Variants in BORA observed in about 807,000 individuals in gnomAD.
The protein encoded by BORA is BORA aurora kinase A activator.
A neutral mutation model predicts 55.8 loss-of-function variants in BORA; 26 were observed. The ratio of observed to expected loss-of-function variants is 0.47; its 90% CI spans 0.34 to 0.65. The LOEUF (loss-of-function observed/expected upper bound fraction) is 0.65, where lower values mean the gene tolerates loss of function less well. Ranked by LOEUF, BORA falls within the 30% of genes least tolerant of loss-of-function variation. The pLI is 0.01. For synonymous variants in BORA, 201 were observed against 216.9 expected (o/e 0.93, Z 0.64); for missense variants, 568 against 671.5 (o/e 0.85, Z 1.70).
At chr13:72,744,914 G>T in intron 7 of BORA, 67 bp from the exon 8 acceptor site, 3 of 1,445,806 alleles carry the variant, frequency 2.1e-6, no homozygotes, top group South Asian at 2.4e-5. Flanking sequence ...CTTAAAAGTT[G>T]AGTAACAGAA....
rs368189157 is a variant in BORA at position 72,729,058 on chromosome 13, G to C, written c.118G>C (p.Ala40Pro). 3.0e-5 allele frequency: 47 copies of C among 1,584,626 alleles called. No homozygotes were observed. The highest frequency in any genetic ancestry group is 3.7e-5 in the Non-Finnish European group (43 of 1,170,656). Residue 40 changes from alanine (A) to proline (P), a missense_variant, in exon 2 of 12, where the codon GCC (alanine) becomes CCC (proline). By Grantham distance (27) the Ala-to-Pro change is conservative. Coordinates refer to ENST00000390667, the MANE Select transcript of BORA (RefSeq NM_024808.5). ...DYSNLHEQTL[A>P]SPSVFKSTKL... is the part of the protein sequence containing the mutation. ...TTCTAATCTCCATGAACAAACTCTC[G>C]CCAGTCCTTCTGTTTTTAAATCAAC...
At position 72,746,056 on chromosome 13, in the gene BORA, T is replaced by G; in HGVS notation, c.851T>G (p.Ile284Arg). ...ACTTTCTCACCAATTGAATTTCAGA[T>G]AGGAGAGACTCCACTCTCAGGTATG... ...SPTFSPIEFQIGETPLSEQRK... is the reference protein window; with the variant it reads ...SPTFSPIEFQRGETPLSEQRK... Residue 284 changes from isoleucine (I) to arginine (R), a missense_variant, in exon 9 of 12, where the codon ATA (isoleucine) becomes AGA (arginine). Ile to Arg is a moderately conservative substitution (Grantham distance 97). Coordinates refer to ENST00000390667, the MANE Select transcript of BORA (RefSeq NM_024808.5). 6.2e-7 allele frequency: 1 copy of G among 1,611,130 alleles called. No individual in the cohort carries two copies.
chr13:72,746,477 T>G, intron 9 of BORA, 24 bp from the exon 10 acceptor site: 1 of 1,573,870 alleles, frequency 6.4e-7, no homozygotes, highest in Non-Finnish European at 8.6e-7. Context: ...ATGATGTGAT[T>G]TTTTTTCCCT....
At chr13:72,743,722 TAATTTATTTTTG>T in intron 6 of BORA, 120 bp downstream of exon 6, 7 of 763,208 alleles carry the variant, frequency 9.2e-6, no homozygotes, top group Non-Finnish European at 1.4e-5. Context: ...TTTTTTTTTT[TAATTTATTTTTG>T]TTTTTTTGAG....
intron 7 of BORA, 21 bp downstream of exon 7, chr13:72,744,582 A>C: frequency 6.5e-7 from 1 of 1,542,958 alleles, no homozygotes; most frequent in South Asian, 1.2e-5. Flanking sequence ...TATTTGTTTA[A>C]ACTTTTAATA....
Position 72,749,731 on chromosome 13 carries a change from C to T in BORA, c.1482+2620C>T, listed in dbSNP as rs139902969. The stretch of plus-strand genomic sequence containing the variant: ...AGCTTTCCAAAGTTTTAAAAAGCCA[C>T]GTTTTCTCTTGTTACAGGGCCTTTT... On this transcript the variant is annotated intron_variant, in intron 10 of 11. Coordinates refer to ENST00000390667, the MANE Select transcript of BORA (RefSeq NM_024808.5). Among the ~76,000 whole-genome samples, 43 of 152,246 alleles carry T rather than the reference C, an allele frequency of 2.8e-4. 1 individual carries two copies. The East Asian group carries it at 3.7e-3, about 13-fold the overall frequency.
intron 3 of BORA, among the ~76,000 whole-genome samples, chr13:72,734,451 AAAAATGTT>A (rs2138048300): frequency 6.6e-6 from 1 of 152,318 alleles, no homozygotes; most frequent in East Asian, 1.9e-4. Context: ...TTCATTTGGA[AAAAATGTT>A]ATATTGTCAG....
At chr13:72,745,838 AT>A (rs1332656527) in intron 8 of BORA, 105 bp from the exon 9 acceptor site, 2 of 949,196 alleles carry the variant, frequency 2.1e-6, no homozygotes, top group Non-Finnish European at 3.0e-6. Context: ...CTCGTGAACT[AT>A]TACTAGTTTA....
At chr13:72,744,251 C>T (rs922574242) in intron 6 of BORA, among the ~76,000 whole-genome samples, 1 of 152,174 alleles carries the variant, frequency 6.6e-6, no homozygotes, top group African/African-American at 2.4e-5. Flanking sequence ...AGGCTGGCTT[C>T]CTTTTCAAGT....
intron 4 of BORA, among the ~76,000 whole-genome samples, chr13:72,736,347 G>A (rs2032927004): frequency 6.6e-6 from 1 of 151,904 alleles, no homozygotes; most frequent in African/African-American, 2.4e-5. Context: ...AAAGCCTCCT[G>A]TTTCCCCATC....
At position 72,731,344 on chromosome 13, in the gene BORA, C is replaced by A. The variant is rs1008662981; in HGVS notation, c.217C>A (p.Pro73Thr). 2 of 1,611,394 alleles carry A rather than the reference C, an allele frequency of 1.2e-6. No homozygotes were observed. The highest frequency in any genetic ancestry group is 1.7e-6 in the Non-Finnish European group (2 of 1,178,656). ...TGTAATAAATCCTGTAGAAATAGAC[C>A]CAGAAGATATTCATCGTCAAGCTTT... ...LAVINPVEID[P>T]EDIHRQALYL... Residue 73 changes from proline (P) to threonine (T), a missense_variant, in exon 3 of 12, where the codon CCA (proline) becomes ACA (threonine). Coordinates refer to ENST00000390667, the MANE Select transcript of BORA (RefSeq NM_024808.5).
chr13:72,749,688 C>T (rs956852229), intron 10 of BORA, among the ~76,000 whole-genome samples: 1 of 152,132 alleles, frequency 6.6e-6, no homozygotes, highest in Non-Finnish European at 1.5e-5. Context: ...TTCCTTCATT[C>T]TCTGTTTAGG....
Position 72,739,592 on chromosome 13 carries a change from T to C in BORA, c.388+1549T>C, listed in dbSNP as rs75506395. Among the ~76,000 whole-genome samples the C allele has an allele frequency of 9.4e-3, 1,426 of 152,292 alleles. 84 individuals are homozygous for C. In the East Asian group the frequency reaches 0.17, roughly 18 times the overall value. Reference sequence around the variant, plus strand: ...GTTTTGCTGTCCAGTATAGTAAAGATGATGTCTCCCTCTGGAGCAGATTTG... The same window carrying C: ...GTTTTGCTGTCCAGTATAGTAAAGACGATGTCTCCCTCTGGAGCAGATTTG... On this transcript the variant is annotated intron_variant, in intron 5 of 11. Transcript: ENST00000390667.
chr13:72,739,685 T>C (rs1341643221), intron 5 of BORA, among the ~76,000 whole-genome samples: 1 of 152,168 alleles, frequency 6.6e-6, no homozygotes, highest in Non-Finnish European at 1.5e-5. Context: ...TGAAAACCCA[T>C]TGTGTGTCCA....
chr13:72,749,369 TCA>T (rs1380289438), intron 10 of BORA, among the ~76,000 whole-genome samples: 2 of 152,210 alleles, frequency 1.3e-5, no homozygotes. Flanking sequence ...ATTATACTCT[TCA>T]CTCAGAATGC....
intron 5 of BORA, among the ~76,000 whole-genome samples, chr13:72,742,527 C>T (rs952300909): frequency 1.3e-5 from 2 of 151,674 alleles, no homozygotes; most frequent in Admixed American, 1.3e-4. Context: ...TATCCCTAAC[C>T]TTTTAAGGTT....
Position 72,746,074 on chromosome 13 carries a change from C to T in BORA, c.869C>T (p.Ser290Leu). 6.2e-7 allele frequency: 1 copy of T among 1,607,400 alleles called. No homozygotes were observed. Among genetic ancestry groups the T allele is most frequent in the Non-Finnish European group, 8.5e-7 (1 of 1,175,004 alleles). The change falls in exon 9 of 12, where the codon TCA (serine) becomes TTA (leucine). Residue 290 changes from serine to leucine, a missense_variant and splice_region_variant. Ser to Leu is a moderately radical substitution (Grantham distance 145, BLOSUM62 -2). Transcript: ENST00000390667. ...IEFQIGETPL[S>L]EQRKFTVHSP... ...TTTCAGATAGGAGAGACTCCACTCT[C>T]AGGTATGTCTCATAATAAAATACCT...
Position 72,745,123 on chromosome 13 carries a change from T to C in BORA, c.654T>C (p.Ser218=), listed in dbSNP as rs2033114389. The C allele has an allele frequency of 6.2e-7, 1 of 1,614,008 alleles. No individual in the cohort carries two copies. The highest frequency in any genetic ancestry group is 1.3e-5 in the African/African-American group (1 of 74,924). The stretch of plus-strand genomic sequence containing the variant: ...CGGCTTCTCCCGGAAGTCCTCACAG[T>C]GGTGTTCAAACATCACTAGAGATGT... The part of the protein sequence containing the change: ...LPSASPGSPH[S]GVQTSLEMFY... Residue 218 remains serine, a synonymous_variant, in exon 8 of 12, where the codon AGT becomes AGC. Coordinates refer to ENST00000390667, the MANE Select transcript of BORA (RefSeq NM_024808.5).
At chr13:72,744,666 C>G in intron 7 of BORA, 105 bp downstream of exon 7, 1 of 853,058 alleles carries the variant, frequency 1.2e-6, no homozygotes, top group Non-Finnish European at 1.8e-6. Context: ...GTGCCTCTTT[C>G]TAAAGAAGTG....
Sources: gnomAD v4.1 joint callset for allele counts (sites outside exome capture counted in the v4.1 genomes callset) on GRCh38, gnomAD v4.1.1 for gene constraint, MANE v1.5 for transcripts, NCBI Gene and HGNC (gene_info 2026-07-23, HGNC 2026-07-21) for gene names.